The following CHMP7 variants were observed in gnomAD, a reference collection of about 807,000 sequenced individuals.
The protein encoded by CHMP7 is CHMP family, member 7.
Under a neutral mutation model 53.7 loss-of-function variants are expected in CHMP7, and 15 were observed. The ratio of observed to expected loss-of-function variants is 0.28; its 90% CI spans 0.19 to 0.43. The LOEUF is 0.43. CHMP7 is among the 20% of genes least tolerant of loss of function. The pLI is 1.00. For synonymous variants in CHMP7, 261 were observed against 228.0 expected (o/e 1.14, Z -1.30); for missense variants, 527 against 569.4 (o/e 0.93, Z 0.76).
intron 5 of CHMP7, among the ~76,000 whole-genome samples, chr8:23,257,301 G>A (rs1802174059): frequency 1.3e-5 from 2 of 151,446 alleles, no homozygotes; most frequent in Non-Finnish European, 2.9e-5. Flanking sequence ...TCACCATGTT[G>A]CCCAGGCTGG....
chr8:23,252,549 T>C (rs1801975294), intron 3 of CHMP7: 1 of 152,222 alleles, frequency 6.6e-6, no homozygotes, highest in African/African-American at 2.4e-5. Flanking sequence ...ATATAATGTA[T>C]TTAGTATTAA....
At chr8:23,254,259 C>T (rs1203358014) in intron 3 of CHMP7, among the ~76,000 whole-genome samples, 1 of 152,044 alleles carries the variant, frequency 6.6e-6, no homozygotes, top group Non-Finnish European at 1.5e-5. Context: ...CCATGGACAC[C>T]TCAGTCTTTC....
In CHMP7 at chr8:23,261,539, A is replaced by C. The variant is rs1013682634; in HGVS notation, c.*940A>C. The C allele has an allele frequency of 3.3e-5, 5 of 152,800 alleles. No individual in the cohort carries two copies. The highest frequency in any genetic ancestry group is 9.7e-5 in the African/African-American group (4 of 41,448). The allele number at this position is 152,800 out of a possible 1,614,324, so 9.5% of individuals were successfully genotyped here. On this transcript the variant is annotated 3_prime_UTR_variant, in exon 11 of 11. Coordinates refer to ENST00000397677, the MANE Select transcript of CHMP7 (RefSeq NM_152272.5). The stretch of plus-strand genomic sequence containing the variant: ...TGGAAAGTGTTTCATTTTGTGGCCT[A>C]CTGCTCGGGGCAGGGGGGCTGAGCC...
Position 23,246,594 on chromosome 8 carries a change from A to T in CHMP7, c.-102A>T, listed in dbSNP as rs1563399591. On this transcript the variant is annotated 5_prime_UTR_variant, in exon 2 of 11. Coordinates refer to ENST00000397677, the MANE Select transcript of CHMP7 (RefSeq NM_152272.5). ...CGCTCAGGGCGGCGGTGACGTGTGA[A>T]CGAGAAGGAGGTGGTCAAGGAACGG... is the stretch of plus-strand genomic sequence containing the variant. 1.0e-6 allele frequency: 1 copy of T among 974,436 alleles called. No individual in the cohort carries two copies. Among genetic ancestry groups the T allele is most frequent in the Non-Finnish European group, 1.5e-6 (1 of 668,276 alleles). The allele number at this position is 974,436 out of a possible 1,614,324, so 60.4% of individuals were successfully genotyped here.
In CHMP7 at chr8:23,259,146, AT is replaced by A; in HGVS notation, c.1120+25del. On this transcript the variant is annotated intron_variant, in intron 9 of 10. Coordinates refer to ENST00000397677, the MANE Select transcript of CHMP7 (RefSeq NM_152272.5). ...GCTTAGGTGAGTGGACAAGGTGGTT[AT>A]TTTTATTTTTATTCATTTTTTTTTT... 1 of 822,712 alleles carries A rather than the reference AT, an allele frequency of 1.2e-6. No individual in the cohort carries two copies. Among genetic ancestry groups the A allele is most frequent in the Non-Finnish European group, 1.9e-6 (1 of 527,382 alleles). The allele number at this position is 822,712 out of a possible 1,614,324, so 51.0% of individuals were successfully genotyped here.
chr8:23,258,487 C>T lies in CHMP7; in HGVS notation c.960+38C>T, dbSNP rs766805166. Reference sequence around the variant, plus strand: ...CTCTACTCCAGCACTTGGCTGGTCTCTCCGTGTGTGTTGGTCACTTGCAGC... The same window carrying T: ...CTCTACTCCAGCACTTGGCTGGTCTTTCCGTGTGTGTTGGTCACTTGCAGC... On this transcript the variant is annotated intron_variant, in intron 7 of 10. Transcript: ENST00000397677. 1.9e-6 allele frequency: 3 copies of T among 1,611,320 alleles called. No homozygotes were observed. In the South Asian group the frequency reaches 3.3e-5, roughly 18 times the overall value.
rs1030438764 is a variant in CHMP7, at chr8:23,258,076, C to A, written c.835C>A (p.Gln279Lys). 1.9e-6 allele frequency: 3 copies of A among 1,612,410 alleles called. No homozygotes were observed. The highest frequency in any genetic ancestry group is 2.5e-6 in the Non-Finnish European group (3 of 1,178,680). The stretch of plus-strand genomic sequence containing the variant: ...CCGGGCATGCCGAGCAGGAAAGAAG[C>A]AGCTGGTGAGTTCTTGTCTCCTCCA... ...ARRACRAGKKQLALRSLKAKQ... is the reference protein window; with the variant it reads ...ARRACRAGKKKLALRSLKAKQ... The change falls in exon 6 of 11, where the codon CAG (glutamine) becomes AAG (lysine). Residue 279 changes from glutamine (Q) to lysine (K), a missense_variant. Gln to Lys is a moderately conservative substitution (Grantham distance 53, BLOSUM62 1). Coordinates refer to ENST00000397677, the MANE Select transcript of CHMP7 (RefSeq NM_152272.5).
intron 5 of CHMP7, 97 bp downstream of exon 5, chr8:23,256,690 G>GGT (rs1554528962): frequency 8.5e-6 from 5 of 589,124 alleles, no homozygotes; most frequent in Admixed American, 3.3e-5. Flanking sequence ...AAATAGGTGG[G>GGT]TTTTTTTTTT....
intron 2 of CHMP7, chr8:23,247,918 G>GTTTTTTTTTTTTTTTTTTTTTTT: frequency 3.0e-6 from 1 of 330,348 alleles, no homozygotes; most frequent in Non-Finnish European, 6.0e-6. Flanking sequence ...TGTTTGGTTG[G>GTTTTTTTTTTTTTTTTTTTTTTT]TTTTTTTTTT....
rs1016325995 is a variant in CHMP7 at position 23,255,436 on chromosome 8, T to C, written c.657+4T>C. On this transcript the variant is annotated splice_donor_region_variant and intron_variant, in intron 4 of 10. Transcript: ENST00000397677. ...CCTCGAGCAGAACGGGGAGAAGGTA[T>C]GGAGGCTCATCTGTTCATTCACTGA... 2 of 1,613,612 alleles carry C rather than the reference T, an allele frequency of 1.2e-6. No homozygotes were observed. The highest frequency in any genetic ancestry group is 1.7e-6 in the Non-Finnish European group (2 of 1,179,614).
At chr8:23,252,943 G>A (rs1801988585) in intron 3 of CHMP7, among the ~76,000 whole-genome samples, 1 of 152,160 alleles carries the variant, frequency 6.6e-6, no homozygotes, top group African/African-American at 2.4e-5. Flanking sequence ...ATGAAAACTC[G>A]ATGTCTGTGT....
In CHMP7 at chr8:23,249,858, A is replaced by G. The variant is rs143783399; in HGVS notation, c.471+477A>G. 2.6e-5 allele frequency among the ~76,000 whole-genome samples: 4 copies of G among 152,188 alleles called. No homozygotes were observed. In the East Asian group the frequency reaches 7.7e-4, roughly 29 times the overall value. Reference sequence around the variant, plus strand: ...CTCCCTCGAAGAGGCCACTGGGGCCATGGTCCCGTCCTAGCCTCCTGGTCA... The same window carrying G: ...CTCCCTCGAAGAGGCCACTGGGGCCGTGGTCCCGTCCTAGCCTCCTGGTCA... On this transcript the variant is annotated intron_variant, in intron 3 of 10. Coordinates refer to ENST00000397677, the MANE Select transcript of CHMP7 (RefSeq NM_152272.5).
intron 2 of CHMP7, chr8:23,247,890 G>T (rs1801770031): frequency 2.8e-6 from 1 of 360,060 alleles, no homozygotes; most frequent in Non-Finnish European, 5.5e-6. Flanking sequence ...GAAGGAGAAA[G>T]TCAACTCTGA....
At position 23,261,005 on chromosome 8, in the gene CHMP7, G is replaced by T. The variant is rs554694040; in HGVS notation, c.*406G>T. ...CTCCCCCCTGCGGTTTTTTAGAGGG[G>T]TTTATCCTGTCGCTAATGTCAGTTA... On this transcript the variant is annotated 3_prime_UTR_variant, in exon 11 of 11. Coordinates refer to ENST00000397677, the MANE Select transcript of CHMP7 (RefSeq NM_152272.5). 270 of 218,992 alleles carry T rather than the reference G, an allele frequency of 1.2e-3. No homozygotes were observed. Among genetic ancestry groups the T allele is most frequent in the African/African-American group, 5.7e-3 (248 of 43,846 alleles). The allele number at this position is 218,992 out of a possible 1,614,324, so 13.6% of individuals were successfully genotyped here.
chr8:23,256,626 C>T (rs1802136278), intron 5 of CHMP7, 33 bp downstream of exon 5: 2 of 1,601,110 alleles, frequency 1.2e-6, no homozygotes, highest in Non-Finnish European at 1.7e-6. Context: ...GCCTCCTCCC[C>T]ACTGTTGCTG....
At chr8:23,259,834 T>C (rs976221995) in intron 9 of CHMP7, 2 of 299,766 alleles carry the variant, frequency 6.7e-6, no homozygotes, top group Non-Finnish European at 1.2e-5. Context: ...GCTGTGCTCA[T>C]GACCCATCTG....
At chr8:23,249,713 T>C (rs117637570) in intron 3 of CHMP7, among the ~76,000 whole-genome samples, 1 of 152,342 alleles carries the variant, frequency 6.6e-6, no homozygotes, top group East Asian at 1.9e-4. Flanking sequence ...CCTGAGGACC[T>C]TGTGGCTTTC....
chr8:23,247,840 A>C (rs1218951839), intron 2 of CHMP7: 2 of 351,262 alleles, frequency 5.7e-6, no homozygotes, highest in East Asian at 1.5e-4. Context: ...TGTACTTATC[A>C]TTCTGAGACC....
chr8:23,256,875 C>T (rs1802154013), intron 5 of CHMP7, among the ~76,000 whole-genome samples: 1 of 147,154 alleles, frequency 6.8e-6, no homozygotes, highest in Non-Finnish European at 1.5e-5. Flanking sequence ...TCACTGCAAG[C>T]TCCGCCTCCT....
Sources: gnomAD v4.1 joint callset for allele counts (sites outside exome capture counted in the v4.1 genomes callset) on GRCh38, gnomAD v4.1.1 for gene constraint, MANE v1.5 for transcripts, NCBI Gene and HGNC (gene_info 2026-07-23, HGNC 2026-07-21) for gene names.